Variants in PIK3C3 observed in about 807,000 individuals in gnomAD.
PIK3C3 encodes PI3-kinase type 3.
PIK3C3 carries 95 observed loss-of-function variants against 126.1 expected under a neutral mutation model. That is an observed-to-expected ratio of 0.75 (90% CI 0.64 to 0.89). The LOEUF (loss-of-function observed/expected upper bound fraction) is 0.89, where lower values mean the gene tolerates loss of function less well. Among genes scored for constraint, PIK3C3 ranks in the 40% least tolerant of loss-of-function variants. The probability of loss-of-function intolerance (pLI) is 0.00; values close to 1 mark genes in which losing one functional copy is unlikely to be tolerated. For synonymous variants in PIK3C3, 374 were observed against 360.0 expected, an observed-to-expected ratio of 1.04 and a Z score of -0.44; for missense variants, 829 against 1,063.2, an observed-to-expected ratio of 0.78 and a Z score of 3.06.
intron 22 of PIK3C3, among the ~76,000 whole-genome samples, chr18:42,059,089 G>C (rs1183180403): frequency 6.6e-6 from 1 of 152,166 alleles, no homozygotes; most frequent in Admixed American, 6.5e-5. Context: ...CCGAATTCCT[G>C]CTTTGAGTCT....
chr18:41,975,528 A>C (rs141255412), intron 4 of PIK3C3, among the ~76,000 whole-genome samples: 1 of 152,262 alleles, frequency 6.6e-6, no homozygotes, highest in East Asian at 1.9e-4. Context: ...GGGTGAGTAC[A>C]TCTTTCTGGT....
At chr18:41,977,640 G>T (rs766625522) in intron 4 of PIK3C3, among the ~76,000 whole-genome samples, 2 of 151,822 alleles carry the variant, frequency 1.3e-5, no homozygotes, top group Non-Finnish European at 2.9e-5. Flanking sequence ...GGTGCGTGCC[G>T]CCATGCCCGG....
At chr18:42,063,600 G>T (rs1374993884) in intron 22 of PIK3C3, among the ~76,000 whole-genome samples, 1 of 151,852 alleles carries the variant, frequency 6.6e-6, no homozygotes, top group Admixed American at 6.6e-5. Flanking sequence ...ATTTTTATTG[G>T]CAATATAAAA....
chr18:42,014,258 C>G (rs1363034569), intron 11 of PIK3C3, among the ~76,000 whole-genome samples: 1 of 147,828 alleles, frequency 6.8e-6, no homozygotes. Context: ...AAGGACGGAG[C>G]ATGCTAGTGA....
chr18:42,086,035 T>TGA lies in PIK3C3; in HGVS notation c.*4899_*4900insAG, dbSNP rs1986392667. 1 of 152,198 alleles carries TGA rather than the reference T, an allele frequency of 6.6e-6. No individual in the cohort carries two copies. Among genetic ancestry groups the TGA allele is most frequent in the Non-Finnish European group, 1.5e-5 (1 of 68,146 alleles). The allele number at this position is 152,198 out of a possible 1,614,324, so 9.4% of individuals were successfully genotyped here. ...ACCTGGGAGGCTGAGGCAGGAGGAT[T>TGA]GCTTGAGCCTGGGAGGCAGAGGTTG... On this transcript the variant is annotated 3_prime_UTR_variant, in exon 25 of 25. Coordinates refer to ENST00000262039, the MANE Select transcript of PIK3C3 (RefSeq NM_002647.4).
intron 21 of PIK3C3, among the ~76,000 whole-genome samples, chr18:42,051,986 A>C (rs1016895736): frequency 6.6e-6 from 1 of 151,482 alleles, no homozygotes; most frequent in African/African-American, 2.4e-5. Context: ...ATAATAATAA[A>C]ATAAAAAATA....
rs568652732 is a variant in PIK3C3 at position 42,056,986 on chromosome 18, G to A, written c.2264-897G>A. On this transcript the variant is annotated intron_variant, in intron 21 of 24. Coordinates refer to ENST00000262039, the MANE Select transcript of PIK3C3 (RefSeq NM_002647.4). Reference sequence around the variant, plus strand: ...TTCATTGTACTTAGAGACCATTAAAGCCCATTTTGGGATTCTGAAAGAGTA... The same window carrying A: ...TTCATTGTACTTAGAGACCATTAAAACCCATTTTGGGATTCTGAAAGAGTA... 1.3e-5 allele frequency among the ~76,000 whole-genome samples: 2 copies of A among 151,694 alleles called. 1 individual carries two copies. Among genetic ancestry groups the A allele is most frequent in the South Asian group, 4.2e-4 (2 of 4,814 alleles).
At chr18:42,053,626 G>C (rs781692250) in intron 21 of PIK3C3, among the ~76,000 whole-genome samples, 7 of 152,064 alleles carry the variant, frequency 4.6e-5, no homozygotes, top group Non-Finnish European at 7.4e-5. Flanking sequence ...ATTGTCCTTA[G>C]GAGAAGCTTT....
chr18:42,058,200 C>T, intron 22 of PIK3C3, 149 bp downstream of exon 22: 3 of 580,816 alleles, frequency 5.2e-6, no homozygotes, highest in Non-Finnish European at 8.3e-6. Flanking sequence ...ACATTTAATA[C>T]CAATTTTGAC....
At chr18:41,964,634 A>G (rs1365501794) in intron 3 of PIK3C3, among the ~76,000 whole-genome samples, 1 of 152,120 alleles carries the variant, frequency 6.6e-6, no homozygotes, top group African/African-American at 2.4e-5. Flanking sequence ...AGTATTAGGT[A>G]AGGATAATTC....
chr18:41,962,378 C>A, intron 2 of PIK3C3, 111 bp from the exon 3 acceptor site: 1 of 794,512 alleles, frequency 1.3e-6, no homozygotes, highest in Non-Finnish European at 1.8e-6. Flanking sequence ...TAGAGTCTAA[C>A]AACATTTTTG....
At chr18:41,970,705 C>A (rs1243068319) in intron 4 of PIK3C3, 2 of 592,282 alleles carry the variant, frequency 3.4e-6, no homozygotes, top group East Asian at 5.6e-5. Flanking sequence ...TTTTCATCAC[C>A]CCTAAAAGAA....
Position 42,087,436 on chromosome 18 carries a change from G to A in PIK3C3, c.*6299G>A, listed in dbSNP as rs1436099092. ...TTCCAGTTGATTGGGTCCATCTTGT[G>A]TAACACGTGGCTGGCAGAGAAGGGA... On this transcript the variant is annotated 3_prime_UTR_variant, in exon 25 of 25. Coordinates refer to ENST00000262039, the MANE Select transcript of PIK3C3 (RefSeq NM_002647.4). 6.6e-6 allele frequency: 1 copy of A among 152,190 alleles called. No homozygotes were observed. Among genetic ancestry groups the A allele is most frequent in the African/African-American group, 2.4e-5 (1 of 41,432 alleles). The allele number at this position is 152,190 out of a possible 1,614,324, so 9.4% of individuals were successfully genotyped here.
At chr18:42,079,114 A>C (rs182837395) in intron 24 of PIK3C3, among the ~76,000 whole-genome samples, 1 of 152,208 alleles carries the variant, frequency 6.6e-6, no homozygotes, top group Non-Finnish European at 1.5e-5. Context: ...CTTTTGGCCT[A>C]TCTGAGCTTT....
intron 6 of PIK3C3, among the ~76,000 whole-genome samples, chr18:41,991,024 T>A (rs1981749799): frequency 6.6e-6 from 1 of 152,162 alleles, no homozygotes; most frequent in Non-Finnish European, 1.5e-5. Flanking sequence ...ATTTGTACAA[T>A]AGATGCAAAA....
In PIK3C3 at chr18:41,988,007, G is replaced by T. The variant is rs1345042734; in HGVS notation, c.618+109G>T. 6.4e-6 allele frequency: 4 copies of T among 625,934 alleles called. No individual in the cohort carries two copies. In the Admixed American group the frequency reaches 1.0e-4, roughly 16 times the overall value. The allele number at this position is 625,934 out of a possible 1,614,324, so 38.8% of individuals were successfully genotyped here. ...ATCTTACAAATATAGGATTATCAGG[G>T]TTAACCCCTGTAGCTGGGAATTCTA... On this transcript the variant is annotated intron_variant, in intron 5 of 24. Transcript: ENST00000262039.
At chr18:42,028,400 A>G (rs1382816203) in intron 14 of PIK3C3, among the ~76,000 whole-genome samples, 1 of 152,192 alleles carries the variant, frequency 6.6e-6, no homozygotes, top group Non-Finnish European at 1.5e-5. Flanking sequence ...TTCGATTCTT[A>G]AAGCAGTGTC....
At chr18:42,007,214 G>A (rs1305821778) in intron 10 of PIK3C3, among the ~76,000 whole-genome samples, 1 of 152,092 alleles carries the variant, frequency 6.6e-6, no homozygotes, top group Non-Finnish European at 1.5e-5. Flanking sequence ...TAATTATTGA[G>A]CCAAAAGATA....
chr18:42,015,521 T>C lies in PIK3C3; in HGVS notation c.1371T>C (p.Pro457=), dbSNP rs971887848. Reference sequence around the variant, plus strand: ...CCCTTCCTTCAGTCTCTTCACCTCCTCCTGCATCAAAAACAAAAGAAGTTC... The same window carrying C: ...CCCTTCCTTCAGTCTCTTCACCTCCCCCTGCATCAAAAACAAAAGAAGTTC... The part of the protein sequence containing the change: ...TSPLPSVSSP[P]PASKTKEVPD... The change falls in exon 12 of 25, where the codon CCT becomes CCC. Residue 457 remains proline, a synonymous_variant. Coordinates refer to ENST00000262039, the MANE Select transcript of PIK3C3 (RefSeq NM_002647.4). 2 of 1,613,728 alleles carry C rather than the reference T, an allele frequency of 1.2e-6. No homozygotes were observed. Among genetic ancestry groups the C allele is most frequent in the Non-Finnish European group, 1.7e-6 (2 of 1,179,840 alleles).
Sources: gnomAD v4.1 joint callset for allele counts (sites outside exome capture counted in the v4.1 genomes callset) on GRCh38, gnomAD v4.1.1 for gene constraint, MANE v1.5 for transcripts, NCBI Gene and HGNC (gene_info 2026-07-23, HGNC 2026-07-21) for gene names.